The following SPATA17 variants were observed in gnomAD, a reference collection of about 807,000 sequenced individuals.
SPATA17 encodes spermatogenesis associated 17, also known as spermatogenesis-associated protein 17.
In SPATA17, 53 loss-of-function variants were observed where a neutral mutation model predicts 62.2. The ratio of observed to expected loss-of-function variants is 0.85; its 90% CI spans 0.68 to 1.07. SPATA17 has a LOEUF of 1.07. Ranked by LOEUF, SPATA17 falls within the 50% of genes least tolerant of loss-of-function variation. The pLI is 0.00. For missense variants in SPATA17, 466 were observed against 425.5 expected (o/e 1.10, Z -0.84); for synonymous variants, 146 against 146.8 (o/e 0.99, Z 0.04).
At chr1:217,795,825 G>T (rs552562582) in intron 8 of SPATA17, among the ~76,000 whole-genome samples, 2 of 151,888 alleles carry the variant, frequency 1.3e-5, no homozygotes, top group Non-Finnish European at 2.9e-5. Context: ...TTGAGACAGG[G>T]TCTCAGTCTG....
chr1:217,677,074 A>G (rs114273510), intron 4 of SPATA17, among the ~76,000 whole-genome samples: 2,592 of 152,236 alleles, frequency 0.017, 48 homozygotes, highest in Non-Finnish European at 0.021. Context: ...TCAGATTGAA[A>G]TGCTCACATT....
At position 217,786,750 on chromosome 1, in the gene SPATA17, T is replaced by TTCTTCTTCTTCTTC. The variant is rs1553252152; in HGVS notation, c.872+4429_872+4430insCTTCTTCTTCTTCT. On this transcript the variant is annotated intron_variant, in intron 8 of 10. Transcript: ENST00000366933. ...AATGATAGAAGGATTTGATATTCTC[T>TTCTTCTTCTTCTTC]TTCTTCTTCTTCTTCTTCTTCTTCT... 5.0e-3 allele frequency among the ~76,000 whole-genome samples: 538 copies of TTCTTCTTCTTCTTC among 107,552 alleles called. 9 individuals carry two copies. Among genetic ancestry groups the TTCTTCTTCTTCTTC allele is most frequent in the Admixed American group, 5.5e-3 (53 of 9,690 alleles). 70.6% of individuals were successfully genotyped at this position (107,552 alleles called of 152,430 possible). A position where few individuals can be genotyped will look rare whatever the true frequency, so the allele number is the denominator to read the frequency against.
At chr1:217,775,974 G>A (rs1162780637) in intron 7 of SPATA17, among the ~76,000 whole-genome samples, 1 of 151,986 alleles carries the variant, frequency 6.6e-6, no homozygotes, top group Non-Finnish European at 1.5e-5. Flanking sequence ...ATAACCTGTT[G>A]TTGCTGGGAA....
chr1:217,708,773 A>G (rs1671794181), intron 5 of SPATA17, among the ~76,000 whole-genome samples: 1 of 152,186 alleles, frequency 6.6e-6, no homozygotes, highest in African/African-American at 2.4e-5. Flanking sequence ...CATAGATGCA[A>G]AAATCCCCAA....
chr1:217,776,152 C>T (rs933975875), intron 7 of SPATA17, among the ~76,000 whole-genome samples: 7 of 152,238 alleles, frequency 4.6e-5, no homozygotes, highest in African/African-American at 1.4e-4. Flanking sequence ...GAAATCTTCC[C>T]TATAACTAGA....
chr1:217,666,640 A>G (rs921412635), intron 3 of SPATA17, among the ~76,000 whole-genome samples: 12 of 152,094 alleles, frequency 7.9e-5, no homozygotes, highest in African/African-American at 2.9e-4. Context: ...TCACATTGTT[A>G]CATAACCATC....
chr1:217,834,683 AGT>A (rs1675221405), intron 9 of SPATA17, among the ~76,000 whole-genome samples: 1 of 152,196 alleles, frequency 6.6e-6, no homozygotes, highest in Admixed American at 6.5e-5. Flanking sequence ...AAAATTCAAA[AGT>A]GTATAAAGTA....
At position 217,818,216 on chromosome 1, in the gene SPATA17, C is replaced by T. The variant is rs894327753; in HGVS notation, c.1005+16366C>T. 5.9e-5 allele frequency among the ~76,000 whole-genome samples: 9 copies of T among 152,030 alleles called. 1 individual carries two copies. In the East Asian group the frequency reaches 9.7e-4, roughly 16 times the overall value. ...GACACATACAGAAAGTAAGTTTGCACTTGATATATTCTTTCATAGCCTGTT... is the reference window on the plus strand; with the variant it reads ...GACACATACAGAAAGTAAGTTTGCATTTGATATATTCTTTCATAGCCTGTT... On this transcript the variant is annotated intron_variant, in intron 9 of 10. Coordinates refer to ENST00000366933, the MANE Select transcript of SPATA17 (RefSeq NM_138796.4).
chr1:217,771,732 T>C (rs1227910505), intron 6 of SPATA17, among the ~76,000 whole-genome samples: 4 of 152,182 alleles, frequency 2.6e-5, no homozygotes, highest in African/African-American at 9.6e-5. Context: ...GCAAAGAGAA[T>C]ACACATGAGG....
At position 217,757,480 on chromosome 1, in the gene SPATA17, T is replaced by C. The variant is rs148852507; in HGVS notation, c.519+15382T>C. ...CATAAATAGGCTGGCTTTCAAGAGG[T>C]GCGGGGAAGGGGCTAAATTAGGTTG... is the stretch of plus-strand genomic sequence containing the variant. On this transcript the variant is annotated intron_variant, in intron 6 of 10. Coordinates refer to ENST00000366933, the MANE Select transcript of SPATA17 (RefSeq NM_138796.4). Among the ~76,000 whole-genome samples, 385 of 152,138 alleles carry C rather than the reference T, an allele frequency of 2.5e-3. 1 individual carries two copies. Among genetic ancestry groups the C allele is most frequent in the African/African-American group, 9.1e-3 (377 of 41,524 alleles).
At chr1:217,637,710 T>C (rs1373472327) in intron 1 of SPATA17, among the ~76,000 whole-genome samples, 1 of 152,168 alleles carries the variant, frequency 6.6e-6, no homozygotes, top group Non-Finnish European at 1.5e-5. Context: ...AATAGCAGCT[T>C]AGTTGAATAG....
At chr1:217,703,435 G>A (rs551863726) in intron 5 of SPATA17, among the ~76,000 whole-genome samples, 2 of 152,254 alleles carry the variant, frequency 1.3e-5, no homozygotes, top group Non-Finnish European at 2.9e-5. Flanking sequence ...GCCTCCCAAA[G>A]TGCTGGGATT....
At chr1:217,672,677 T>G (rs1670858109) in intron 4 of SPATA17, among the ~76,000 whole-genome samples, 1 of 152,190 alleles carries the variant, frequency 6.6e-6, no homozygotes, top group Non-Finnish European at 1.5e-5. Context: ...ATGTAATATT[T>G]ATTAATATCC....
At chr1:217,786,851 G>T (rs1167592679) in intron 8 of SPATA17, among the ~76,000 whole-genome samples, 3 of 136,900 alleles carry the variant, frequency 2.2e-5, no homozygotes, top group African/African-American at 8.1e-5. Context: ...CTACTTGAAA[G>T]ATTTTAACTA....
chr1:217,676,518 C>T (rs912459876), intron 4 of SPATA17, among the ~76,000 whole-genome samples: 18 of 152,126 alleles, frequency 1.2e-4, no homozygotes, highest in East Asian at 1.9e-4. Flanking sequence ...ATAAAGTCAA[C>T]TGCTGTTTCT....
chr1:217,847,094 A>G (rs1675546847), intron 9 of SPATA17, among the ~76,000 whole-genome samples: 1 of 152,010 alleles, frequency 6.6e-6, no homozygotes, highest in African/African-American at 2.4e-5. Context: ...TATGTCTATC[A>G]TAGAGTTTTA....
rs1049374793 is a variant in SPATA17 at position 217,642,947 on chromosome 1, C to G, written c.69-5935C>G. Among the ~76,000 whole-genome samples, 12 of 152,210 alleles carry G rather than the reference C, an allele frequency of 7.9e-5. 1 individual carries two copies. Among genetic ancestry groups the G allele is most frequent in the African/African-American group, 2.2e-4 (9 of 41,542 alleles). On this transcript the variant is annotated intron_variant, in intron 1 of 10. Coordinates refer to ENST00000366933, the MANE Select transcript of SPATA17 (RefSeq NM_138796.4). ...TTTCCTGCCAGCCCCTAGAACCATCCATTTTTCCAAAGAGCCTTTGTTTCT... is the reference window on the plus strand; with the variant it reads ...TTTCCTGCCAGCCCCTAGAACCATCGATTTTTCCAAAGAGCCTTTGTTTCT...
At chr1:217,670,157 G>C (rs143882278) in intron 4 of SPATA17, among the ~76,000 whole-genome samples, 11 of 152,260 alleles carry the variant, frequency 7.2e-5, no homozygotes, top group African/African-American at 2.4e-4. Context: ...CAGAGGTTTT[G>C]TACAGCTTTG....
At chr1:217,831,738 C>A (rs1395347691) in intron 9 of SPATA17, among the ~76,000 whole-genome samples, 1 of 152,052 alleles carries the variant, frequency 6.6e-6, no homozygotes, top group Non-Finnish European at 1.5e-5. Flanking sequence ...GCATGTCTGT[C>A]CAAATTTCTT....
Sources: gnomAD v4.1 joint callset for allele counts (sites outside exome capture counted in the v4.1 genomes callset) on GRCh38, gnomAD v4.1.1 for gene constraint, MANE v1.5 for transcripts, NCBI Gene and HGNC (gene_info 2026-07-23, HGNC 2026-07-21) for gene names.